The following HNMT variants were observed in gnomAD, a reference collection of about 807,000 sequenced individuals.
HNMT encodes the protein histamine N-methyltransferase.
A neutral mutation model predicts 32.1 loss-of-function variants in HNMT; 30 were observed. The observed-to-expected ratio is 0.93, with a 90% CI of 0.70 to 1.27. The LOEUF is 1.27. Ranked by LOEUF, HNMT falls within the 50% of genes most tolerant of loss-of-function variation. The pLI is 0.00. For missense variants in HNMT, 327 were observed against 346.0 expected, an observed-to-expected ratio of 0.95 and a Z score of 0.43; for synonymous variants, 125 against 119.0, an observed-to-expected ratio of 1.05 and a Z score of -0.33.
Position 138,002,185 on chromosome 2 carries a change from T to C in HNMT, c.420T>C (p.His140=). ...AGCTTCAAAAGTGGGACTTTATTCA[T>C]ATGATTCAAGTAAGAAATATGTATT... is the stretch of plus-strand genomic sequence containing the variant. ...KKELQKWDFI[H]MIQMLYYVKD... The change falls in exon 4 of 6, where the codon CAT becomes CAC. Residue 140 remains histidine, a synonymous_variant. Transcript: ENST00000280097. 1.3e-6 allele frequency: 2 copies of C among 1,566,820 alleles called. No individual in the cohort carries two copies. Among genetic ancestry groups the C allele is most frequent in the Non-Finnish European group, 1.7e-6 (2 of 1,145,296 alleles).
chr2:138,012,661 C>T (rs373409874), intron 5 of HNMT, among the ~76,000 whole-genome samples: 4 of 152,258 alleles, frequency 2.6e-5, no homozygotes, highest in African/African-American at 9.6e-5. Flanking sequence ...AATTTATATT[C>T]CTGAAACCAG....
chr2:137,968,421 G>A (rs138846701), intron 1 of HNMT, among the ~76,000 whole-genome samples: 18 of 152,262 alleles, frequency 1.2e-4, no homozygotes, highest in African/African-American at 4.3e-4. Context: ...TATGTGGAGT[G>A]CTTGTCATGT....
intron 2 of HNMT, among the ~76,000 whole-genome samples, chr2:137,977,157 G>A (rs886871967): frequency 3.9e-5 from 6 of 152,126 alleles, no homozygotes; most frequent in Non-Finnish European, 8.8e-5. Flanking sequence ...AGTATGTTAG[G>A]TTCTTATTTT....
intron 2 of HNMT, among the ~76,000 whole-genome samples, chr2:137,986,746 TAAAA>T (rs1197562219): frequency 6.6e-6 from 1 of 152,154 alleles, no homozygotes; most frequent in African/African-American, 2.4e-5. Flanking sequence ...AAATTATAGA[TAAAA>T]AAAGAGAATT....
intron 2 of HNMT, among the ~76,000 whole-genome samples, chr2:137,999,481 G>A (rs1345228507): frequency 6.6e-6 from 1 of 152,062 alleles, no homozygotes; most frequent in East Asian, 1.9e-4. Flanking sequence ...CTGGACCACT[G>A]TCTTTTCCCA....
chr2:137,989,066 A>G (rs1680737751), intron 2 of HNMT, among the ~76,000 whole-genome samples: 1 of 152,186 alleles, frequency 6.6e-6, no homozygotes, highest in Non-Finnish European at 1.5e-5. Context: ...TACAATTTAT[A>G]AACATCCATT....
intron 2 of HNMT, among the ~76,000 whole-genome samples, chr2:137,984,594 A>C (rs1680596845): frequency 6.6e-6 from 1 of 152,210 alleles, no homozygotes. Context: ...ACATTATAGC[A>C]TGCAAAATTC....
intron 2 of HNMT, among the ~76,000 whole-genome samples, chr2:137,995,347 C>T (rs1680959392): frequency 6.6e-6 from 1 of 152,046 alleles, no homozygotes; most frequent in South Asian, 2.1e-4. Context: ...ACCACTGACC[C>T]CACAGAAATA....
In HNMT at chr2:138,007,781, T is replaced by C. The variant is rs148617130; in HGVS notation, c.523+2556T>C. Among the ~76,000 whole-genome samples the C allele has an allele frequency of 4.1e-3, 624 of 152,162 alleles. 1 individual carries two copies. The highest frequency in any genetic ancestry group is 0.014 in the African/African-American group (584 of 41,558). ...TTCTCCAAAACACCATTCTTGCTTT[T>C]GACAGATTTTGGGACCTGTGGGGGA... On this transcript the variant is annotated intron_variant, in intron 5 of 5. Coordinates refer to ENST00000280097, the MANE Select transcript of HNMT (RefSeq NM_006895.3).
intron 5 of HNMT, among the ~76,000 whole-genome samples, chr2:138,008,095 A>T (rs1681381941): frequency 1.3e-5 from 2 of 151,836 alleles, no homozygotes; most frequent in South Asian, 4.2e-4. Flanking sequence ...CCAGGTATTA[A>T]ACCCACTACC....
intron 3 of HNMT, 102 bp downstream of exon 3, chr2:138,001,127 T>A (rs1681158432): frequency 1.8e-6 from 1 of 550,670 alleles, no homozygotes; most frequent in Admixed American, 3.7e-5. Flanking sequence ...TGGTATGCTT[T>A]TCACAAGCTT....
At position 137,970,349 on chromosome 2, in the gene HNMT, T is replaced by A. The variant is rs1008205022; in HGVS notation, c.190+132T>A. 3 of 513,074 alleles carry A rather than the reference T, an allele frequency of 5.8e-6. No individual in the cohort carries two copies. In the African/African-American group the frequency reaches 5.9e-5, roughly 10 times the overall value. The allele number at this position is 513,074 out of a possible 1,614,324, so 31.8% of individuals were successfully genotyped here. ...GAGATCGGCTTATTAAAACTAGCAA[T>A]ATTACTTCAACTAACATTAATGCCC... is the stretch of plus-strand genomic sequence containing the variant. On this transcript the variant is annotated intron_variant, in intron 2 of 5. Transcript: ENST00000280097.
chr2:137,988,192 G>T (rs989082139), intron 2 of HNMT, among the ~76,000 whole-genome samples: 6 of 152,214 alleles, frequency 3.9e-5, no homozygotes, highest in Non-Finnish European at 7.3e-5. Context: ...CCATTTTATA[G>T]TCACTAGAAG....
At position 138,000,994 on chromosome 2, in the gene HNMT, G is replaced by A. The variant is rs200153842; in HGVS notation, c.267G>A (p.Glu89=). 1 of 1,607,300 alleles carries A rather than the reference G, an allele frequency of 6.2e-7. No individual in the cohort carries two copies. Among genetic ancestry groups the A allele is most frequent in the Non-Finnish European group, 8.5e-7 (1 of 1,176,388 alleles). ...PGVCINNEVV[E]PSAEQIAKYK... Reference sequence around the variant, plus strand: ...TTTGTATCAACAATGAAGTTGTTGAGCCAAGTGCTGAACAAATTGCCAAAT... The same window carrying A: ...TTTGTATCAACAATGAAGTTGTTGAACCAAGTGCTGAACAAATTGCCAAAT... The change falls in exon 3 of 6, where the codon GAG becomes GAA. Residue 89 remains glutamate, a synonymous_variant. Coordinates refer to ENST00000280097, the MANE Select transcript of HNMT (RefSeq NM_006895.3).
rs998199753 is a variant in HNMT at position 137,981,123 on chromosome 2, A to G, written c.190+10906A>G. 7 of 1,394,508 alleles carry G rather than the reference A, an allele frequency of 5.0e-6. No homozygotes were observed. The East Asian group carries it at 1.7e-4, about 35-fold the overall frequency. 86.4% of individuals were successfully genotyped at this position (1,394,508 alleles called of 1,614,324 possible). ...TAAATTTTTCCTGCTGATAATATAT[A>G]TTTTGATATGAGAAAAGAAGCAGGG... On this transcript the variant is annotated intron_variant, in intron 2 of 5. Coordinates refer to ENST00000280097, the MANE Select transcript of HNMT (RefSeq NM_006895.3).
In HNMT at chr2:137,984,325, C is replaced by A. The variant is rs549624930; in HGVS notation, c.190+14108C>A. Among the ~76,000 whole-genome samples the A allele has an allele frequency of 2.6e-5, 4 of 152,344 alleles. No individual in the cohort carries two copies. In the South Asian group the frequency reaches 8.3e-4, roughly 32 times the overall value. Reference sequence around the variant, plus strand: ...CATAGTGGCTGCTCCAGTCTATATTCTCAGTGGCCTGGATGAAGTTTCTCT... The same window carrying A: ...CATAGTGGCTGCTCCAGTCTATATTATCAGTGGCCTGGATGAAGTTTCTCT... On this transcript the variant is annotated intron_variant, in intron 2 of 5. Transcript: ENST00000280097.
At chr2:138,009,862 C>T (rs191132748) in intron 5 of HNMT, among the ~76,000 whole-genome samples, 1 of 152,168 alleles carries the variant, frequency 6.6e-6, no homozygotes, top group Non-Finnish European at 1.5e-5. Flanking sequence ...GTTTAGGAAC[C>T]ATTGCCTAGC....
Position 137,978,867 on chromosome 2 carries a change from AAT to A in HNMT, c.190+8652_190+8653del, listed in dbSNP as rs1466297006. On this transcript the variant is annotated intron_variant, in intron 2 of 5. Coordinates refer to ENST00000280097, the MANE Select transcript of HNMT (RefSeq NM_006895.3). Reference sequence around the variant, plus strand: ...ATAATTATATAATTTAGTATTATATAATAGTCTTATATAATAAATAGTATAAA... The same window carrying A: ...ATAATTATATAATTTAGTATTATATAAGTCTTATATAATAAATAGTATAAA... 5.0e-5 allele frequency among the ~76,000 whole-genome samples: 7 copies of A among 139,386 alleles called. No homozygotes were observed. The South Asian group carries it at 9.2e-4, about 18-fold the overall frequency. 91.4% of individuals were successfully genotyped at this position (139,386 alleles called of 152,430 possible).
At chr2:137,999,234 C>T (rs1029677997) in intron 2 of HNMT, among the ~76,000 whole-genome samples, 1 of 152,056 alleles carries the variant, frequency 6.6e-6, no homozygotes, top group Non-Finnish European at 1.5e-5. Flanking sequence ...ATGAGATGTT[C>T]CAGGTAAAAA....
Sources: gnomAD v4.1 joint callset for allele counts (sites outside exome capture counted in the v4.1 genomes callset) on GRCh38, gnomAD v4.1.1 for gene constraint, MANE v1.5 for transcripts, NCBI Gene and HGNC (gene_info 2026-07-23, HGNC 2026-07-21) for gene names.